LRMDA: variants seen among roughly 807,000 people sequenced by gnomAD.
LRMDA encodes the protein leucine-rich melanocyte differentiation-associated protein.
LRMDA carries 18 observed loss-of-function variants against 29.8 expected under a neutral mutation model. The ratio of observed to expected loss-of-function variants is 0.60; its 90% CI spans 0.42 to 0.90. The LOEUF is 0.90. LRMDA is among the 40% of genes least tolerant of loss of function. LRMDA has a pLI of 0.00. For missense variants in LRMDA, 273 were observed against 273.9 expected (o/e 1.00, Z 0.02); for synonymous variants, 125 against 109.4 (o/e 1.14, Z -0.89).
At chr10:75,787,371 C>T (rs1843488518) in intron 2 of LRMDA, among the ~76,000 whole-genome samples, 1 of 152,178 alleles carries the variant, frequency 6.6e-6, no homozygotes, top group South Asian at 2.1e-4. Flanking sequence ...GATCACGTTT[C>T]ATCAGTGAAA....
chr10:76,514,458 G>A (rs1219212468), intron 6 of LRMDA, among the ~76,000 whole-genome samples: 1 of 152,186 alleles, frequency 6.6e-6, no homozygotes, highest in Admixed American at 6.5e-5. Context: ...AAAGCACCAG[G>A]AAGGTGTGAA....
intron 6 of LRMDA, among the ~76,000 whole-genome samples, chr10:76,421,524 A>C (rs1372285779): frequency 6.6e-6 from 1 of 152,182 alleles, no homozygotes; most frequent in Non-Finnish European, 1.5e-5. Context: ...ATCTTAACTA[A>C]CATTTAATAT....
At chr10:76,145,995 G>C (rs1329510465) in intron 5 of LRMDA, among the ~76,000 whole-genome samples, 19 of 151,510 alleles carry the variant, frequency 1.3e-4, no homozygotes, top group African/African-American at 4.4e-4. Flanking sequence ...ATGTAGTTGA[G>C]CGGTTTTGAG....
chr10:76,082,659 CA>C (rs1482857916), intron 5 of LRMDA, among the ~76,000 whole-genome samples: 1 of 151,994 alleles, frequency 6.6e-6, no homozygotes, highest in Admixed American at 6.6e-5. Context: ...ACCTTGTACC[CA>C]TTAGGCTGGG....
At chr10:75,953,188 T>A (rs1846606982) in intron 2 of LRMDA, among the ~76,000 whole-genome samples, 1 of 152,042 alleles carries the variant, frequency 6.6e-6, no homozygotes, top group Non-Finnish European at 1.5e-5. Context: ...TTCTCCCACC[T>A]CAGCCTCCTG....
intron 2 of LRMDA, among the ~76,000 whole-genome samples, chr10:75,845,451 G>A (rs562437850): frequency 5.9e-5 from 9 of 152,190 alleles, no homozygotes; most frequent in South Asian, 2.1e-4. Context: ...ATGATATGCC[G>A]GCAACACATC....
chr10:76,337,744 G>A (rs891634313), intron 6 of LRMDA, among the ~76,000 whole-genome samples: 1 of 152,258 alleles, frequency 6.6e-6, no homozygotes. Flanking sequence ...TAGATTGCAC[G>A]TGGTTCAGGG....
At chr10:75,856,668 G>A (rs541688713) in intron 2 of LRMDA, among the ~76,000 whole-genome samples, 1 of 152,284 alleles carries the variant, frequency 6.6e-6, no homozygotes, top group South Asian at 2.1e-4. Flanking sequence ...ATTAGGTATT[G>A]ATGGGACATA....
chr10:75,490,336 T>TACAC (rs56077469), intron 2 of LRMDA, among the ~76,000 whole-genome samples: 105 of 148,622 alleles, frequency 7.1e-4, no homozygotes, highest in East Asian at 5.4e-3. Context: ...CATGTACACA[T>TACAC]ACACACACAC....
intron 2 of LRMDA, among the ~76,000 whole-genome samples, chr10:75,461,142 T>G (rs1844579555): frequency 6.6e-6 from 1 of 152,176 alleles, no homozygotes; most frequent in Non-Finnish European, 1.5e-5. Flanking sequence ...ACAGGAGTCT[T>G]CAGAAATGAA....
chr10:75,769,420 A>C (rs1843209347), intron 2 of LRMDA, among the ~76,000 whole-genome samples: 2 of 152,212 alleles, frequency 1.3e-5, no homozygotes. Flanking sequence ...GAATGCTCCT[A>C]TTCAAACCAC....
intron 6 of LRMDA, among the ~76,000 whole-genome samples, chr10:76,450,284 T>C (rs1842393300): frequency 6.6e-6 from 1 of 152,078 alleles, no homozygotes; most frequent in Non-Finnish European, 1.5e-5. Flanking sequence ...GACATTTATT[T>C]GATTTTGCAA....
At chr10:76,077,794 AG>A (rs1350048942) in intron 5 of LRMDA, among the ~76,000 whole-genome samples, 2 of 151,924 alleles carry the variant, frequency 1.3e-5, no homozygotes, top group Non-Finnish European at 2.9e-5. Context: ...TTTAGCTGGA[AG>A]GTAACATACC....
rs558963882 is a variant in LRMDA at position 75,893,579 on chromosome 10, G to C, written c.132-142429G>C. Among the ~76,000 whole-genome samples the C allele has an allele frequency of 9.2e-5, 14 of 152,272 alleles. No individual in the cohort carries two copies. In the East Asian group the frequency reaches 2.1e-3, roughly 23 times the overall value. The stretch of plus-strand genomic sequence containing the variant: ...TTTGGCTACATCTCAGAATCACCTG[G>C]TGAACTGTTGAAAACTGAGATGCCT... On this transcript the variant is annotated intron_variant, in intron 2 of 6. Coordinates refer to ENST00000611255, the MANE Select transcript of LRMDA (RefSeq NM_001305581.2).
intron 2 of LRMDA, among the ~76,000 whole-genome samples, chr10:75,891,694 T>C (rs1845494576): frequency 6.6e-6 from 1 of 152,162 alleles, no homozygotes; most frequent in African/African-American, 2.4e-5. Flanking sequence ...GATCAGAGTG[T>C]GATTGCCATG....
intron 2 of LRMDA, among the ~76,000 whole-genome samples, chr10:75,830,681 A>T (rs1844325486): frequency 6.6e-6 from 1 of 152,298 alleles, no homozygotes; most frequent in East Asian, 1.9e-4. Flanking sequence ...CCCACAACAC[A>T]TGGGAATTAT....
intron 6 of LRMDA, among the ~76,000 whole-genome samples, chr10:76,410,316 T>C (rs1841946615): frequency 7.4e-6 from 1 of 135,258 alleles, no homozygotes; most frequent in South Asian, 2.6e-4. Context: ...TTTTTTTTTT[T>C]TTTTTTTTTT....
At chr10:75,969,680 G>A (rs1846930495) in intron 2 of LRMDA, among the ~76,000 whole-genome samples, 1 of 152,164 alleles carries the variant, frequency 6.6e-6, no homozygotes, top group African/African-American at 2.4e-5. Context: ...TTCTCTTTCT[G>A]AAAGAAGGAT....
At position 75,460,745 on chromosome 10, in the gene LRMDA, A is replaced by AT. The variant is rs920668604; in HGVS notation, c.131+22260dup. Among the ~76,000 whole-genome samples, 86 of 148,704 alleles carry AT rather than the reference A, an allele frequency of 5.8e-4. 1 individual carries two copies. Among genetic ancestry groups the AT allele is most frequent in the African/African-American group, 1.8e-3 (69 of 38,916 alleles). On this transcript the variant is annotated intron_variant, in intron 2 of 6. Coordinates refer to ENST00000611255, the MANE Select transcript of LRMDA (RefSeq NM_001305581.2). ...TGTTTTTTTCTCTTAATGTCTCATG[A>AT]TTTTTTTTTGGTTAATTTGGTTTTT... is the stretch of plus-strand genomic sequence containing the variant.
Sources: allele counts gnomAD v4.1 joint callset (sites outside exome capture counted in the v4.1 genomes callset), GRCh38; gene constraint gnomAD v4.1.1; transcripts MANE v1.5; gene names NCBI Gene and HGNC (gene_info 2026-07-23, HGNC 2026-07-21).